The following TRPM3 variants were observed in gnomAD, a reference collection of about 807,000 sequenced individuals.
The protein encoded by TRPM3 is long transient receptor potential channel 3.
A neutral mutation model predicts 181.2 loss-of-function variants in TRPM3; 77 were observed. That is an observed-to-expected ratio of 0.42 (90% CI 0.35 to 0.51). The LOEUF (loss-of-function observed/expected upper bound fraction) is 0.51, where lower values mean the gene tolerates loss of function less well. Among genes scored for constraint, TRPM3 ranks in the 20% least tolerant of loss-of-function variants. TRPM3 has a pLI of 0.01. For missense variants in TRPM3, 1,759 were observed against 2,196.7 expected (o/e 0.80, Z 3.98); for synonymous variants, 745 against 796.4 (o/e 0.94, Z 1.09).
intron 12 of TRPM3, among the ~76,000 whole-genome samples, chr9:70,633,920 A>G (rs113838807): frequency 2.6e-5 from 4 of 152,282 alleles, no homozygotes; most frequent in Middle Eastern, 3.4e-3. Flanking sequence ...GGGCGGGGGC[A>G]GTGCCATCTT....
chr9:71,417,834 T>C (rs1274708492), intron 1 of TRPM3, among the ~76,000 whole-genome samples: 1 of 151,990 alleles, frequency 6.6e-6, no homozygotes, highest in East Asian at 1.9e-4. Flanking sequence ...TCCATCTTTA[T>C]CTGTTCTCTC....
rs574277512 is a variant in TRPM3 at position 70,540,513 on chromosome 9, G to A, written c.3708-3108C>T. On this transcript the variant is annotated intron_variant, in intron 25 of 25. Transcript: ENST00000677713. ...CTATAGAGAAAATTTGTAGGTGAGA[G>A]GCAGAGCTGATGCACCAAAAACACG... 3.6e-4 allele frequency among the ~76,000 whole-genome samples: 55 copies of A among 152,260 alleles called. 1 individual carries two copies. Among genetic ancestry groups the A allele is most frequent in the South Asian group, 1.2e-3 (6 of 4,818 alleles).
At chr9:71,170,521 G>A (rs2076797231) in intron 1 of TRPM3, among the ~76,000 whole-genome samples, 1 of 152,188 alleles carries the variant, frequency 6.6e-6, no homozygotes, top group Admixed American at 6.5e-5. Flanking sequence ...CAAACGGAGG[G>A]ACTGGCTGAA....
rs990847830 is a variant in TRPM3 at position 71,252,209 on chromosome 9, AC to A, written c.183+194443del. 1.3e-4 allele frequency among the ~76,000 whole-genome samples: 20 copies of A among 151,616 alleles called. 2 individuals are homozygous for A. The highest frequency in any genetic ancestry group is 1.5e-5 in the Non-Finnish European group (1 of 67,916). ...GAAAATTTAGATTGAAACCAATTTA[AC>A]TTTTTTTTTTTAGGTTCTCTAATTA... On this transcript the variant is annotated intron_variant, in intron 1 of 24. Coordinates refer to the TRPM3 transcript ENST00000357533.
chr9:70,680,910 T>C (rs2065255859), intron 9 of TRPM3, among the ~76,000 whole-genome samples: 1 of 152,184 alleles, frequency 6.6e-6, no homozygotes, highest in African/African-American at 2.4e-5. Context: ...TTTGTAGTAT[T>C]GGGACTAGAG....
intron 1 of TRPM3, among the ~76,000 whole-genome samples, chr9:70,934,373 T>TTAACA (rs1247713574): frequency 1.3e-5 from 2 of 152,280 alleles, no homozygotes; most frequent in East Asian, 3.9e-4. Flanking sequence ...TTCATGTGAC[T>TTAACA]GTTATGTGGT....
At chr9:71,083,912 C>T (rs1306182032) in intron 1 of TRPM3, among the ~76,000 whole-genome samples, 1 of 151,752 alleles carries the variant, frequency 6.6e-6, no homozygotes, top group East Asian at 1.9e-4. Flanking sequence ...ACTTTTTCTT[C>T]CAAGTAGTAG....
intron 6 of TRPM3, chr9:70,811,033 A>T: frequency 1.4e-6 from 1 of 690,794 alleles, no homozygotes; most frequent in African/African-American, 1.8e-5. Flanking sequence ...GATGTGGTTG[A>T]ATGTCAGAAG....
chr9:71,317,167 G>A (rs574357953), intron 1 of TRPM3, among the ~76,000 whole-genome samples: 7 of 152,260 alleles, frequency 4.6e-5, no homozygotes, highest in African/African-American at 1.7e-4. Context: ...AGAATGCTGA[G>A]ATTAAAGGCT....
At chr9:70,870,108 T>C (rs186001709) in intron 1 of TRPM3, among the ~76,000 whole-genome samples, 1 of 152,090 alleles carries the variant, frequency 6.6e-6, no homozygotes, top group East Asian at 1.9e-4. Context: ...GTGAGGGCAA[T>C]GGGGCTTTGG....
At chr9:70,692,663 T>A (rs767537678) in intron 8 of TRPM3, among the ~76,000 whole-genome samples, 2 of 152,240 alleles carry the variant, frequency 1.3e-5, no homozygotes, top group Non-Finnish European at 2.9e-5. Flanking sequence ...CTATTTGCAC[T>A]ACTACCAACT....
chr9:71,265,239 A>G (rs2083308184), intron 1 of TRPM3, among the ~76,000 whole-genome samples: 1 of 152,210 alleles, frequency 6.6e-6, no homozygotes, highest in African/African-American at 2.4e-5. Flanking sequence ...AAGAAGTTTA[A>G]AATTTTCTTT....
intron 1 of TRPM3, among the ~76,000 whole-genome samples, chr9:70,876,633 C>A (rs1309360041): frequency 6.6e-6 from 1 of 151,754 alleles, no homozygotes; most frequent in African/African-American, 2.4e-5. Flanking sequence ...TTCCTCCTCT[C>A]TGTTTTCCCA....
chr9:71,103,036 G>C (rs1256576324), intron 1 of TRPM3, among the ~76,000 whole-genome samples: 1 of 151,948 alleles, frequency 6.6e-6, no homozygotes, highest in Non-Finnish European at 1.5e-5. Flanking sequence ...ATTTTTTTTA[G>C]TTAATCAAAG....
At chr9:70,818,890 G>C (rs919143616) in intron 6 of TRPM3, among the ~76,000 whole-genome samples, 2 of 152,200 alleles carry the variant, frequency 1.3e-5, no homozygotes, top group African/African-American at 4.8e-5. Flanking sequence ...ATTTGAAGGA[G>C]GTACCAGGGC....
intron 1 of TRPM3, among the ~76,000 whole-genome samples, chr9:71,120,910 G>A (rs934680742): frequency 2.0e-5 from 3 of 151,766 alleles, no homozygotes; most frequent in African/African-American, 7.3e-5. Flanking sequence ...AGGGGTGGGG[G>A]AGCACCAGGT....
intron 22 of TRPM3, among the ~76,000 whole-genome samples, chr9:70,557,746 G>A (rs2048076441): frequency 6.6e-6 from 1 of 152,168 alleles, no homozygotes; most frequent in Non-Finnish European, 1.5e-5. Context: ...TTGCTTTTGG[G>A]ACCTGACATT....
intron 9 of TRPM3, among the ~76,000 whole-genome samples, chr9:70,675,407 T>A (rs1389222096): frequency 6.6e-6 from 1 of 152,228 alleles, no homozygotes; most frequent in Non-Finnish European, 1.5e-5. Context: ...ATGTTATTTT[T>A]AAATTATTTT....
intron 8 of TRPM3, among the ~76,000 whole-genome samples, chr9:70,701,190 A>G (rs1270417759): frequency 6.6e-6 from 1 of 152,264 alleles, no homozygotes; most frequent in Non-Finnish European, 1.5e-5. Flanking sequence ...GAATAGACAC[A>G]TCTATCTTCC....
Sources: gnomAD v4.1 joint callset for allele counts (sites outside exome capture counted in the v4.1 genomes callset) on GRCh38, gnomAD v4.1.1 for gene constraint, MANE v1.5 for transcripts, NCBI Gene and HGNC (gene_info 2026-07-23, HGNC 2026-07-21) for gene names.